Variants in ATF3 observed in about 807,000 individuals in gnomAD.
The protein encoded by ATF3 is cyclic AMP-dependent transcription factor ATF-3.
A neutral mutation model predicts 18.4 loss-of-function variants in ATF3; 10 were observed. The ratio of observed to expected loss-of-function variants is 0.54; its 90% CI spans 0.34 to 0.92. ATF3 has a LOEUF of 0.92. Among genes scored for constraint, ATF3 ranks in the 40% least tolerant of loss-of-function variants. ATF3 has a pLI of 0.02. For missense variants in ATF3, 183 were observed against 222.3 expected (o/e 0.82, Z 1.12); for synonymous variants, 78 against 87.9 (o/e 0.89, Z 0.63).
chr1:212,591,991 G>A (rs925028367), intron 1 of ATF3, among the ~76,000 whole-genome samples: 1 of 152,008 alleles, frequency 6.6e-6, no homozygotes, highest in African/African-American at 2.4e-5. Flanking sequence ...TTAAAATTGC[G>A]GTACAAAGTA....
upstream of ATF3, among the ~76,000 whole-genome samples, chr1:212,605,515 G>C (rs1407126020): frequency 6.6e-6 from 1 of 152,240 alleles, no homozygotes; most frequent in Non-Finnish European, 1.5e-5. Context: ...CTAGCATTCT[G>C]GGCACGAATA....
At chr1:212,605,215 C>T (rs1350474743), upstream of ATF3, among the ~76,000 whole-genome samples, 1 of 152,172 alleles carries the variant, frequency 6.6e-6, no homozygotes, top group East Asian at 1.9e-4. Flanking sequence ...AAATAACTTA[C>T]TTAAGGTGAC....
chr1:212,609,018 C>A (rs1654758742), intron 1 of ATF3, 88 bp downstream of exon 1: 1 of 152,086 alleles, frequency 6.6e-6, no homozygotes, highest in African/African-American at 2.4e-5. Context: ...AGTCCGCCGA[C>A]CCCTGACCCA....
intron 1 of ATF3, among the ~76,000 whole-genome samples, chr1:212,583,304 T>C (rs1664718763): frequency 6.6e-6 from 1 of 152,140 alleles, no homozygotes; most frequent in Non-Finnish European, 1.5e-5. Context: ...ATGCTCATAG[T>C]GCACTACACT....
intron 1 of ATF3, among the ~76,000 whole-genome samples, chr1:212,572,389 T>C (rs954681089): frequency 1.4e-5 from 2 of 147,834 alleles, no homozygotes; most frequent in East Asian, 4.0e-4. Flanking sequence ...TAGTGGCGCA[T>C]GCCTGTAATC....
chr1:212,597,891 C>A (rs1023064115), intron 1 of ATF3, among the ~76,000 whole-genome samples: 7 of 152,160 alleles, frequency 4.6e-5, no homozygotes, highest in Non-Finnish European at 8.8e-5. Context: ...CAATTTTATT[C>A]TTTCCTGGAT....
In ATF3 at chr1:212,619,899, T is replaced by TA. The variant is rs1356363311; in HGVS notation, c.*344_*345insA. On this transcript the variant is annotated 3_prime_UTR_variant, in exon 4 of 4. Coordinates refer to ENST00000341491, the MANE Select transcript of ATF3 (RefSeq NM_001674.4). The surrounding 1 kb of genome is among the most constrained non-coding windows in gnomAD (Gnocchi z 4.4). ...CCCACCGTTAGGATTCAGGCAGCAG[T>TA]GTCTGTACCTCGGGTGGGAGGGATG... 17 of 314,328 alleles carry TA rather than the reference T, an allele frequency of 5.4e-5. No homozygotes were observed. Among genetic ancestry groups the TA allele is most frequent in the African/African-American group, 3.2e-4 (15 of 46,308 alleles). 19.5% of individuals were successfully genotyped at this position (314,328 alleles called of 1,614,324 possible). A position where few individuals can be genotyped will look rare whatever the true frequency, so the allele number is the denominator to read the frequency against.
At position 212,566,781 on chromosome 1, in the gene ATF3, G is replaced by A. The variant is rs374794294; in HGVS notation, c.-5+1298G>A. Among the ~76,000 whole-genome samples the A allele has an allele frequency of 8.0e-4, 122 of 152,294 alleles. 1 individual carries two copies. Among genetic ancestry groups the A allele is most frequent in the African/African-American group, 2.7e-3 (113 of 41,554 alleles). ...GCTGGGAAGCCCATCCAGGGTCTGG[G>A]GACCCCTGAAAATTGAGCAGCCTCC... On this transcript the variant is annotated intron_variant, in intron 1 of 3. Coordinates refer to the ATF3 transcript ENST00000366981.
intron 1 of ATF3, among the ~76,000 whole-genome samples, chr1:212,588,008 G>A (rs1664811520): frequency 6.6e-6 from 1 of 152,056 alleles, no homozygotes; most frequent in African/African-American, 2.4e-5. Flanking sequence ...CAGCATGTGG[G>A]GTGACAGCGA....
intron 1 of ATF3, 63 bp from the exon 2 acceptor site, chr1:212,614,954 GA>G (rs1188115961): frequency 1.2e-6 from 2 of 1,613,576 alleles, no homozygotes; most frequent in Admixed American, 1.7e-5. Flanking sequence ...TCTGGTGGGG[GA>G]GGGGGACTTG....
chr1:212,593,225 G>A (rs1664922516), intron 1 of ATF3, among the ~76,000 whole-genome samples: 1 of 149,290 alleles, frequency 6.7e-6, no homozygotes, highest in African/African-American at 2.5e-5. Flanking sequence ...TCACTCATAG[G>A]TGGGAATTGA....
chr1:212,607,871 T>C (rs1370835455), upstream of ATF3, among the ~76,000 whole-genome samples: 1 of 152,012 alleles, frequency 6.6e-6, no homozygotes, highest in Non-Finnish European at 1.5e-5. Context: ...TTGGTTTCAC[T>C]GACATGTTCT....
At chr1:212,596,643 C>T (rs1665000397) in intron 1 of ATF3, among the ~76,000 whole-genome samples, 1 of 152,208 alleles carries the variant, frequency 6.6e-6, no homozygotes, top group Non-Finnish European at 1.5e-5. Flanking sequence ...GCTCTATATG[C>T]CAGAAAGAAA....
chr1:212,602,064 C>G (rs1052833446), intron 1 of ATF3, among the ~76,000 whole-genome samples: 1 of 152,052 alleles, frequency 6.6e-6, no homozygotes, highest in African/African-American at 2.4e-5. Context: ...CAGACATTAT[C>G]CTCATTTTAC....
At chr1:212,612,146 C>T (rs945307340) in intron 1 of ATF3, among the ~76,000 whole-genome samples, 2 of 152,170 alleles carry the variant, frequency 1.3e-5, no homozygotes, top group African/African-American at 4.8e-5. Flanking sequence ...ACAGATACAT[C>T]TGTTTTATTT....
At chr1:212,572,254 C>T (rs960749763) in intron 1 of ATF3, among the ~76,000 whole-genome samples, 2 of 152,082 alleles carry the variant, frequency 1.3e-5, no homozygotes, top group African/African-American at 2.4e-5. Context: ...TGGTGGTTCA[C>T]GTCTGTAATC....
intron 1 of ATF3, among the ~76,000 whole-genome samples, chr1:212,593,440 A>C (rs961861629): frequency 6.6e-6 from 1 of 151,926 alleles, no homozygotes; most frequent in Non-Finnish European, 1.5e-5. Flanking sequence ...TAAAGTATAA[A>C]AAAAAAAAGT....
At chr1:212,605,475 C>G (rs923856935), upstream of ATF3, among the ~76,000 whole-genome samples, 3 of 152,228 alleles carry the variant, frequency 2.0e-5, no homozygotes, top group African/African-American at 7.2e-5. Flanking sequence ...AGTACTCTGC[C>G]GCTTCTCTGG....
chr1:212,574,010 G>T (rs1400816169), intron 1 of ATF3, among the ~76,000 whole-genome samples: 1 of 149,882 alleles, frequency 6.7e-6, no homozygotes, highest in Non-Finnish European at 1.5e-5. Context: ...AAGTGCTCTT[G>T]AATTAATTCC....
Sources: gnomAD v4.1 joint callset for allele counts (sites outside exome capture counted in the v4.1 genomes callset) on GRCh38, gnomAD v4.1.1 for gene constraint, Gnocchi (gnomAD v3.1) non-coding constraint, MANE v1.5 for transcripts, NCBI Gene and HGNC (gene_info 2026-07-23, HGNC 2026-07-21) for gene names.